The following TMEM150C variants were observed in gnomAD, a reference collection of about 807,000 sequenced individuals.
TMEM150C encodes tentonin 3.
In TMEM150C, 10 loss-of-function variants were observed where a neutral mutation model predicts 29.9. The observed-to-expected ratio is 0.33, with a 90% CI of 0.21 to 0.57. The LOEUF (loss-of-function observed/expected upper bound fraction) is 0.57, where lower values mean the gene tolerates loss of function less well. Among genes scored for constraint, TMEM150C ranks in the 20% least tolerant of loss-of-function variants. TMEM150C has a pLI of 0.88. For synonymous variants in TMEM150C, 101 were observed against 112.5 expected (o/e 0.90, Z 0.64); for missense variants, 251 against 303.6 (o/e 0.83, Z 1.29).
At chr4:82,557,272 C>T (rs1334616977) in intron 1 of TMEM150C, among the ~76,000 whole-genome samples, 1 of 152,124 alleles carries the variant, frequency 6.6e-6, no homozygotes, top group Non-Finnish European at 1.5e-5. Context: ...ACAGGCTAGA[C>T]TTGAGCAAGA....
At chr4:82,514,589 C>T (rs1415329680) in intron 1 of TMEM150C, among the ~76,000 whole-genome samples, 1 of 151,992 alleles carries the variant, frequency 6.6e-6, no homozygotes, top group East Asian at 1.9e-4. Context: ...TGGTCAGAGG[C>T]ACTGACTCCA....
intron 1 of TMEM150C, among the ~76,000 whole-genome samples, chr4:82,518,417 G>A (rs1340202806): frequency 6.6e-6 from 1 of 152,154 alleles, no homozygotes; most frequent in East Asian, 1.9e-4. Context: ...CTCCAGTGTT[G>A]CTTACCAGAC....
chr4:82,517,999 A>G (rs532562655), intron 1 of TMEM150C, among the ~76,000 whole-genome samples: 2 of 152,260 alleles, frequency 1.3e-5, no homozygotes, highest in Non-Finnish European at 2.9e-5. Context: ...CTCTCCTTAC[A>G]GAGACTAAAA....
At chr4:82,491,662 T>G (rs1432917901) in intron 6 of TMEM150C, 7 of 496,058 alleles carry the variant, frequency 1.4e-5, no homozygotes, top group South Asian at 5.7e-5. Flanking sequence ...AGAGCGCTAA[T>G]TTTTTATTTT....
At chr4:82,499,258 A>G (rs1197445857) in intron 5 of TMEM150C, among the ~76,000 whole-genome samples, 3 of 152,152 alleles carry the variant, frequency 2.0e-5, no homozygotes, top group Non-Finnish European at 2.9e-5. Context: ...CTTTTACCAC[A>G]TTCACGTTCT....
chr4:82,546,255 T>G (rs60752232), intron 1 of TMEM150C, among the ~76,000 whole-genome samples: 11,548 of 152,134 alleles, frequency 0.076, 1,486 homozygotes, highest in African/African-American at 0.26. Context: ...CACATGGAAC[T>G]AAACAAGAGC....
chr4:82,532,950 G>T (rs911819590), intron 1 of TMEM150C, among the ~76,000 whole-genome samples: 1 of 152,014 alleles, frequency 6.6e-6, no homozygotes, highest in Non-Finnish European at 1.5e-5. Flanking sequence ...GGATGGTCTC[G>T]ATCTCCTGAC....
chr4:82,534,681 T>C (rs921482579), intron 1 of TMEM150C, among the ~76,000 whole-genome samples: 5 of 152,186 alleles, frequency 3.3e-5, no homozygotes, highest in African/African-American at 1.2e-4. Context: ...TCTTATAGAA[T>C]TGGAGCAGAG....
At chr4:82,552,637 C>CT (rs1303674727) in intron 1 of TMEM150C, among the ~76,000 whole-genome samples, 1 of 152,138 alleles carries the variant, frequency 6.6e-6, no homozygotes, top group Non-Finnish European at 1.5e-5. Context: ...ATCTGGGAAG[C>CT]TTTTAAAAAA....
At chr4:82,551,306 C>T (rs1035783329) in intron 1 of TMEM150C, among the ~76,000 whole-genome samples, 13 of 152,128 alleles carry the variant, frequency 8.5e-5, no homozygotes, top group Admixed American at 1.3e-4. Flanking sequence ...TATTTATCTA[C>T]GGTCTGTCCT....
intron 1 of TMEM150C, among the ~76,000 whole-genome samples, chr4:82,541,120 TA>T (rs1379653293): frequency 6.6e-6 from 1 of 152,220 alleles, no homozygotes; most frequent in Non-Finnish European, 1.5e-5. Flanking sequence ...TGGCACATAC[TA>T]GAAGCTTAGT....
intron 1 of TMEM150C, among the ~76,000 whole-genome samples, chr4:82,556,030 A>G (rs1725724553): frequency 6.6e-6 from 1 of 152,088 alleles, no homozygotes; most frequent in Admixed American, 6.5e-5. Flanking sequence ...TTACATATGG[A>G]CTGAGTGGTG....
intron 2 of TMEM150C, among the ~76,000 whole-genome samples, chr4:82,504,078 A>T (rs1318034983): frequency 6.6e-6 from 1 of 152,220 alleles, no homozygotes; most frequent in African/African-American, 2.4e-5. Context: ...CATAATTATT[A>T]CTCACTCTTG....
intron 1 of TMEM150C, among the ~76,000 whole-genome samples, chr4:82,508,853 C>T (rs6833293): frequency 0.012 from 1,778 of 152,260 alleles, 39 homozygotes; most frequent in African/African-American, 0.04. Context: ...AAAGATAATT[C>T]TTCCCATGTC....
intron 6 of TMEM150C, among the ~76,000 whole-genome samples, chr4:82,493,092 T>C (rs922266436): frequency 6.6e-5 from 10 of 151,528 alleles, no homozygotes; most frequent in Non-Finnish European, 1.3e-4. Context: ...TGTGAAAGTA[T>C]TATTTTTTTG....
At chr4:82,546,760 G>A (rs1725400096) in intron 1 of TMEM150C, among the ~76,000 whole-genome samples, 2 of 152,110 alleles carry the variant, frequency 1.3e-5, no homozygotes, top group Admixed American at 1.3e-4. Context: ...CCGGGAGGTG[G>A]AGGTTGCAGT....
At chr4:82,538,858 T>TG (rs1467694816) in intron 1 of TMEM150C, among the ~76,000 whole-genome samples, 1 of 152,034 alleles carries the variant, frequency 6.6e-6, no homozygotes, top group East Asian at 1.9e-4. Flanking sequence ...CTCAGGAGTT[T>TG]GAGACCAGCC....
chr4:82,510,377 C>G (rs1724085320), intron 1 of TMEM150C, among the ~76,000 whole-genome samples: 1 of 152,120 alleles, frequency 6.6e-6, no homozygotes, highest in Admixed American at 6.6e-5. Flanking sequence ...TTGGAAGGGA[C>G]TTGCTTATTA....
chr4:82,549,972 A>C (rs1216193937), intron 1 of TMEM150C, among the ~76,000 whole-genome samples: 1 of 152,202 alleles, frequency 6.6e-6, no homozygotes. Flanking sequence ...TTAGGGGTTC[A>C]GGTGATGTGC....
Sources: allele counts gnomAD v4.1 joint callset (sites outside exome capture counted in the v4.1 genomes callset), GRCh38; gene constraint gnomAD v4.1.1; transcripts MANE v1.5; gene names NCBI Gene and HGNC (gene_info 2026-07-23, HGNC 2026-07-21).